The following SPAG9 variants were observed in gnomAD, a reference collection of about 807,000 sequenced individuals.
SPAG9 encodes C-Jun-amino-terminal kinase-interacting protein 4.
In SPAG9, 35 loss-of-function variants were observed where a neutral mutation model predicts 166.5. The observed-to-expected ratio is 0.21, with a 90% confidence interval of 0.16 to 0.28. The LOEUF is 0.28. Among genes scored for constraint, SPAG9 ranks in the 10% least tolerant of loss-of-function variants. The pLI, the probability that SPAG9 is intolerant of heterozygous loss-of-function variation, is 1.00. For missense variants in SPAG9, 1,235 were observed against 1,603.3 expected (o/e 0.77, Z 3.92); for synonymous variants, 534 against 565.5 (o/e 0.94, Z 0.79).
intron 26 of SPAG9, among the ~76,000 whole-genome samples, chr17:50,977,433 G>A (rs1974284428): frequency 6.6e-6 from 1 of 152,128 alleles, no homozygotes; most frequent in Non-Finnish European, 1.5e-5. Context: ...GGGGCTTATT[G>A]TCTATCTGAC....
At position 51,027,742 on chromosome 17, in the gene SPAG9, TTGATAA is replaced by T. The variant is rs2046239908; in HGVS notation, c.783+3933_783+3938del. Among the ~76,000 whole-genome samples the T allele has an allele frequency of 2.0e-5, 3 of 152,204 alleles. No homozygotes were observed. In the South Asian group the frequency reaches 6.2e-4, roughly 31 times the overall value. On this transcript the variant is annotated intron_variant, in intron 6 of 29. Coordinates refer to ENST00000262013, the MANE Select transcript of SPAG9 (RefSeq NM_001130528.3). The stretch of plus-strand genomic sequence containing the variant: ...TGCAATTCTATACAGTACATAATAC[TTGATAA>T]TGATAAACAATTATGTCACTGGTTT...
intron 4 of SPAG9, chr17:51,046,713 C>A (rs1327727259): frequency 1.7e-5 from 26 of 1,535,680 alleles, no homozygotes; most frequent in African/African-American, 1.5e-4. Flanking sequence ...TACACGGGGG[C>A]CAAAGGGGTA....
At position 51,098,843 on chromosome 17, in the gene SPAG9, A is replaced by T. The variant is rs374295481; in HGVS notation, c.304-19139T>A. Among the ~76,000 whole-genome samples, 65 of 150,938 alleles carry T rather than the reference A, an allele frequency of 4.3e-4. No homozygotes were observed. The East Asian group carries it at 9.1e-3, about 21-fold the overall frequency. ...TGGGCCGGGCACAGTGGCTCACGCC[A>T]GTAATCCCAGCAATTTGGGAGGCCA... On this transcript the variant is annotated intron_variant, in intron 1 of 29. Transcript: ENST00000262013.
intron 1 of SPAG9, among the ~76,000 whole-genome samples, chr17:51,119,476 C>T (rs554666623): frequency 6.6e-6 from 1 of 152,302 alleles, no homozygotes; most frequent in East Asian, 1.9e-4. Context: ...GGACCTATCA[C>T]TTGCACCCTA....
chr17:51,006,258 G>A, intron 10 of SPAG9, 21 bp from the exon 11 acceptor site: 3 of 1,608,510 alleles, frequency 1.9e-6, no homozygotes, highest in Non-Finnish European at 2.6e-6. Context: ...CATATTTCAA[G>A]TGCATCATTA....
At chr17:50,990,936 C>A (rs1236300217) in intron 19 of SPAG9, among the ~76,000 whole-genome samples, 1 of 144,474 alleles carries the variant, frequency 6.9e-6, no homozygotes, top group Non-Finnish European at 1.5e-5. Context: ...GAGACAGAGT[C>A]TTACTCTGTC....
intron 6 of SPAG9, 26 bp from the exon 7 acceptor site, chr17:51,021,391 A>T: frequency 6.5e-7 from 1 of 1,532,622 alleles, no homozygotes; most frequent in Non-Finnish European, 8.9e-7. Context: ...ATTTAAAATA[A>T]AATTTTAAAT....
intron 2 of SPAG9, among the ~76,000 whole-genome samples, chr17:51,064,172 CTTAG>C (rs1164705173): frequency 6.6e-6 from 1 of 152,236 alleles, no homozygotes; most frequent in South Asian, 2.1e-4. Flanking sequence ...TATCATTCTG[CTTAG>C]TTATATTCAG....
At chr17:50,982,126 T>G (rs530963960) in intron 25 of SPAG9, among the ~76,000 whole-genome samples, 49 of 152,212 alleles carry the variant, frequency 3.2e-4, no homozygotes, top group Non-Finnish European at 5.1e-4. Context: ...CAATGTTATT[T>G]CTGTCTGGGA....
At chr17:50,991,909 C>T (rs974737261) in intron 19 of SPAG9, among the ~76,000 whole-genome samples, 1 of 148,120 alleles carries the variant, frequency 6.8e-6, no homozygotes, top group African/African-American at 2.5e-5. Flanking sequence ...CAGGTGTAAG[C>T]CACCATGCCA....
intron 9 of SPAG9, among the ~76,000 whole-genome samples, chr17:51,008,714 T>C (rs1413238747): frequency 6.6e-6 from 1 of 152,106 alleles, no homozygotes; most frequent in African/African-American, 2.4e-5. Flanking sequence ...ATATCAGAAA[T>C]AGATTAATCA....
At chr17:51,021,509 T>C (rs2045935582) in intron 6 of SPAG9, 144 bp from the exon 7 acceptor site, 1 of 616,798 alleles carries the variant, frequency 1.6e-6, no homozygotes. Flanking sequence ...TGATTACCGG[T>C]AAGTACTCTC....
In SPAG9 at chr17:51,047,520, T is replaced by C. The variant is rs764191712; in HGVS notation, c.496-51A>G. 5.9e-6 allele frequency: 5 copies of C among 848,204 alleles called. No homozygotes were observed. The Middle Eastern group carries it at 8.9e-4, about 151-fold the overall frequency. 52.5% of individuals were successfully genotyped at this position (848,204 alleles called of 1,614,324 possible). On this transcript the variant is annotated intron_variant, in intron 3 of 29. Coordinates refer to ENST00000262013, the MANE Select transcript of SPAG9 (RefSeq NM_001130528.3). ...CAATATTTAAGGCTAATACCTGGAA[T>C]AAAATCATAGTGTTATAACAAGGAA...
At chr17:51,070,826 T>C (rs2047802043) in intron 2 of SPAG9, among the ~76,000 whole-genome samples, 1 of 152,098 alleles carries the variant, frequency 6.6e-6, no homozygotes, top group Non-Finnish European at 1.5e-5. Context: ...ATAATTCTCA[T>C]TAGAGGAAAA....
intron 8 of SPAG9, among the ~76,000 whole-genome samples, chr17:51,019,077 T>A (rs1229012889): frequency 6.6e-6 from 1 of 152,112 alleles, no homozygotes; most frequent in Non-Finnish European, 1.5e-5. Context: ...TAATGAGGCT[T>A]TATCCAGTGT....
At chr17:51,013,508 T>A (rs956545297) in intron 9 of SPAG9, among the ~76,000 whole-genome samples, 1 of 152,218 alleles carries the variant, frequency 6.6e-6, no homozygotes, top group African/African-American at 2.4e-5. Context: ...GTGGTGTCTG[T>A]GTTCCAATAA....
chr17:51,101,457 AAAAAAT>A (rs1349441372), intron 1 of SPAG9, among the ~76,000 whole-genome samples: 1 of 152,170 alleles, frequency 6.6e-6, no homozygotes, highest in Non-Finnish European at 1.5e-5. Context: ...GATGCCTGGC[AAAAAAT>A]AAAAATAGAA....
chr17:50,998,424 T>G lies in SPAG9; in HGVS notation c.1838+20A>C, dbSNP rs1171989453. The G allele has an allele frequency of 1.2e-6, 2 of 1,601,782 alleles. No homozygotes were observed. The highest frequency in any genetic ancestry group is 2.2e-5 in the South Asian group (2 of 90,278). On this transcript the variant is annotated intron_variant, in intron 15 of 29. Coordinates refer to ENST00000262013, the MANE Select transcript of SPAG9 (RefSeq NM_001130528.3). Reference sequence around the variant, plus strand: ...ACTAACTTAATTTAGAATATAATGATTAATTTGGAAAAGACTTACTCTTCA... The same window carrying G: ...ACTAACTTAATTTAGAATATAATGAGTAATTTGGAAAAGACTTACTCTTCA...
intron 1 of SPAG9, among the ~76,000 whole-genome samples, chr17:51,099,549 AC>A (rs1347146212): frequency 2.6e-5 from 4 of 151,742 alleles, no homozygotes; most frequent in African/African-American, 7.2e-5. Flanking sequence ...TTCAGATTTC[AC>A]ATTTTCAGAC....
Sources: allele counts gnomAD v4.1 joint callset (sites outside exome capture counted in the v4.1 genomes callset), GRCh38; gene constraint gnomAD v4.1.1; transcripts MANE v1.5; gene names NCBI Gene and HGNC (gene_info 2026-07-23, HGNC 2026-07-21).